MARK1: variants seen among roughly 807,000 people sequenced by gnomAD.
MARK1 encodes the protein microtubule affinity regulating kinase 1.
MARK1 carries 40 observed loss-of-function variants against 96.3 expected under a neutral mutation model. The observed-to-expected ratio is 0.42, with a 90% confidence interval of 0.32 to 0.54. The LOEUF is 0.54. Ranked by LOEUF, MARK1 falls within the 20% of genes least tolerant of loss-of-function variation. MARK1 has a pLI of 0.16. For missense variants in MARK1, 719 were observed against 984.6 expected, an observed-to-expected ratio of 0.73 and a Z score of 3.61; for synonymous variants, 317 against 341.2, an observed-to-expected ratio of 0.93 and a Z score of 0.78.
At position 220,613,523 on chromosome 1, in the gene MARK1, TG is replaced by T. The variant is rs57367860; in HGVS notation, c.496-2414del. On this transcript the variant is annotated intron_variant, in intron 6 of 17. Coordinates refer to ENST00000366917, the MANE Select transcript of MARK1 (RefSeq NM_018650.5). ...ATTATTATCTGTTGCATACCTTCAG[TG>T]GCTCATACAAACATGTGACTAACAA... Among the ~76,000 whole-genome samples, 555 of 152,302 alleles carry T rather than the reference TG, an allele frequency of 3.6e-3. 5 individuals carry two copies. The highest frequency in any genetic ancestry group is 0.013 in the African/African-American group (524 of 41,566).
chr1:220,640,098 C>G (rs182771820), intron 13 of MARK1, among the ~76,000 whole-genome samples: 6 of 152,262 alleles, frequency 3.9e-5, no homozygotes, highest in Admixed American at 6.5e-5. Flanking sequence ...TTAGAAAGTA[C>G]TTGAGCATTT....
chr1:220,586,800 C>T (rs1664657447), intron 3 of MARK1, among the ~76,000 whole-genome samples: 1 of 152,088 alleles, frequency 6.6e-6, no homozygotes, highest in African/African-American at 2.4e-5. Flanking sequence ...AAGTCACAGT[C>T]TTATTTTCTT....
At chr1:220,598,588 T>C (rs1422566646) in intron 4 of MARK1, among the ~76,000 whole-genome samples, 1 of 151,724 alleles carries the variant, frequency 6.6e-6, no homozygotes, top group Non-Finnish European at 1.5e-5. Context: ...CAGATTGCTG[T>C]TTTCTGCTAC....
intron 15 of MARK1, 126 bp from the exon 16 acceptor site, chr1:220,652,975 C>A: frequency 9.5e-7 from 1 of 1,054,324 alleles, no homozygotes; most frequent in Non-Finnish European, 1.4e-6. Flanking sequence ...TGTCTCACAT[C>A]TCTAATGTGA....
At chr1:220,598,745 G>A (rs1665546465) in intron 4 of MARK1, among the ~76,000 whole-genome samples, 1 of 152,004 alleles carries the variant, frequency 6.6e-6, no homozygotes. Context: ...TGTAATCCCA[G>A]CACTTTGGGA....
At chr1:220,624,006 C>T (rs1396623058) in intron 9 of MARK1, among the ~76,000 whole-genome samples, 2 of 152,162 alleles carry the variant, frequency 1.3e-5, no homozygotes, top group Non-Finnish European at 2.9e-5. Flanking sequence ...ATAGTTAATT[C>T]TGTTGTGTAT....
At chr1:220,615,915 C>T in intron 6 of MARK1, 24 bp from the exon 7 acceptor site, 1 of 1,361,778 alleles carries the variant, frequency 7.3e-7, no homozygotes, top group Non-Finnish European at 1.0e-6. Context: ...TAATTTGACT[C>T]TTTTATCCAA....
chr1:220,626,015 T>C, intron 9 of MARK1: 1 of 550,882 alleles, frequency 1.8e-6, no homozygotes, highest in Non-Finnish European at 3.6e-6. Context: ...AGATGCAGAT[T>C]CAACGTCAGC....
intron 13 of MARK1, 30 bp downstream of exon 13, chr1:220,636,056 T>C (rs769948350): frequency 2.1e-6 from 3 of 1,429,974 alleles, no homozygotes; most frequent in Non-Finnish European, 1.9e-6. Flanking sequence ...TATTGCAATT[T>C]ATTGTAATAA....
At position 220,528,476 on chromosome 1, in the gene MARK1, G is replaced by A. The variant is rs1204156985; in HGVS notation, c.-347G>A. The stretch of plus-strand genomic sequence containing the variant: ...CCGGCTTCACCTTCACCCATGGTCC[G>A]GAGAGCCTAGCGGGGCTCGCCACCG... On this transcript the variant is annotated 5_prime_UTR_variant, in exon 1 of 18. Coordinates refer to ENST00000366917, the MANE Select transcript of MARK1 (RefSeq NM_018650.5). 3.1e-6 allele frequency: 1 copy of A among 327,808 alleles called. No individual in the cohort carries two copies. The highest frequency in any genetic ancestry group is 5.6e-6 in the Non-Finnish European group (1 of 179,540). The allele number at this position is 327,808 out of a possible 1,614,324, so 20.3% of individuals were successfully genotyped here. A position where few individuals can be genotyped will look rare whatever the true frequency, so the allele number is the denominator to read the frequency against.
At chr1:220,619,051 A>C (rs963546200) in intron 9 of MARK1, among the ~76,000 whole-genome samples, 3 of 152,240 alleles carry the variant, frequency 2.0e-5, no homozygotes, top group African/African-American at 7.2e-5. Flanking sequence ...GCTGTCAGAA[A>C]TTGCTTTGTC....
chr1:220,635,419 G>T lies in MARK1; in HGVS notation c.1166G>T (p.Arg389Met). The change falls in exon 12 of 18, where the codon AGG becomes ATG. Residue 389 changes from arginine to methionine, a missense_variant. Physicochemically the swap from Arg to Met is moderately conservative, Grantham distance 91 (BLOSUM62 -1). Coordinates refer to ENST00000366917, the MANE Select transcript of MARK1 (RefSeq NM_018650.5). ...ESLSSGNLCQ[R>M]SRPSSDLNNS... is the part of the protein sequence containing the mutation. Reference sequence around the variant, plus strand: ...TTATCCAGTGGAAACTTGTGTCAGAGGTCCCGGCCCAGTAGTGACTTAAAC... The same window carrying T: ...TTATCCAGTGGAAACTTGTGTCAGATGTCCCGGCCCAGTAGTGACTTAAAC... The T allele has an allele frequency of 6.2e-7, 1 of 1,612,044 alleles. No individual in the cohort carries two copies. The highest frequency in any genetic ancestry group is 8.5e-7 in the Non-Finnish European group (1 of 1,179,532).
In MARK1 at chr1:220,571,486, C is replaced by T. The variant is rs115275365; in HGVS notation, c.52-7868C>T. Among the ~76,000 whole-genome samples, 1,166 of 152,168 alleles carry T rather than the reference C, an allele frequency of 7.7e-3. 14 individuals carry two copies. Among genetic ancestry groups the T allele is most frequent in the African/African-American group, 0.025 (1,055 of 41,528 alleles). On this transcript the variant is annotated intron_variant, in intron 1 of 17. Transcript: ENST00000366917. ...ATAAAAGTACTGTCACTGACAACAT[C>T]CACCATCGTACTATTTAATATGAAA...
At chr1:220,531,653 A>G (rs961097998) in intron 1 of MARK1, among the ~76,000 whole-genome samples, 1 of 152,200 alleles carries the variant, frequency 6.6e-6, no homozygotes, top group East Asian at 1.9e-4. Context: ...TAGTAGAATG[A>G]GAAAGAATTG....
At chr1:220,535,375 CTT>C (rs1447846324) in intron 1 of MARK1, among the ~76,000 whole-genome samples, 1 of 152,050 alleles carries the variant, frequency 6.6e-6, no homozygotes, top group Non-Finnish European at 1.5e-5. Context: ...TGTATGTCTT[CTT>C]TAGAGAAATG....
chr1:220,588,987 C>T (rs1664819846), intron 3 of MARK1, among the ~76,000 whole-genome samples: 1 of 152,188 alleles, frequency 6.6e-6, no homozygotes, highest in Non-Finnish European at 1.5e-5. Context: ...TTGTAAGGCA[C>T]AAGAACTGTA....
intron 6 of MARK1, among the ~76,000 whole-genome samples, chr1:220,612,908 A>C (rs1404290494): frequency 6.6e-6 from 1 of 152,044 alleles, no homozygotes; most frequent in East Asian, 1.9e-4. Flanking sequence ...ATCCCTTAAG[A>C]CTTGAGCCTA....
chr1:220,604,314 T>C (rs1665936342), intron 6 of MARK1, among the ~76,000 whole-genome samples, 177 bp downstream of exon 6: 1 of 152,032 alleles, frequency 6.6e-6, no homozygotes, highest in African/African-American at 2.4e-5. Context: ...TAAATTTAAA[T>C]AGTTGCAGAT....
chr1:220,567,937 CT>C (rs1268840529), intron 1 of MARK1, among the ~76,000 whole-genome samples: 8 of 152,042 alleles, frequency 5.3e-5, no homozygotes, highest in Admixed American at 4.6e-4. Context: ...TTACTTTTAA[CT>C]TTTTTTACTT....
Sources: allele counts gnomAD v4.1 joint callset (sites outside exome capture counted in the v4.1 genomes callset), GRCh38; gene constraint gnomAD v4.1.1; transcripts MANE v1.5; gene names NCBI Gene and HGNC (gene_info 2026-07-23, HGNC 2026-07-21).